The following MAP3K20 variants were observed in gnomAD, a reference collection of about 807,000 sequenced individuals.
MAP3K20 encodes the protein mitogen-activated protein kinase kinase kinase 20.
In MAP3K20, 40 loss-of-function variants were observed where a neutral mutation model predicts 85.7. The observed-to-expected ratio is 0.47, with a 90% CI of 0.36 to 0.61. The LOEUF (loss-of-function observed/expected upper bound fraction) is 0.61, where lower values mean the gene tolerates loss of function less well. MAP3K20 is among the 20% of genes least tolerant of loss of function. The pLI, the probability that MAP3K20 is intolerant of heterozygous loss-of-function variation, is 0.00. For missense variants in MAP3K20, 817 were observed against 961.7 expected (o/e 0.85, Z 1.99); for synonymous variants, 325 against 327.7 (o/e 0.99, Z 0.09).
At chr2:173,127,276 T>C (rs1688471670) in intron 2 of MAP3K20, among the ~76,000 whole-genome samples, 1 of 152,244 alleles carries the variant, frequency 6.6e-6, no homozygotes, top group African/African-American at 2.4e-5. Flanking sequence ...ATTCTGTGAA[T>C]ATTTAAATAA....
intron 2 of MAP3K20, among the ~76,000 whole-genome samples, chr2:173,161,619 G>C (rs1000883984): frequency 6.6e-6 from 1 of 152,076 alleles, no homozygotes; most frequent in African/African-American, 2.4e-5. Flanking sequence ...AGTAGGAAAG[G>C]CTCTTCTAAA....
chr2:173,194,133 A>G (rs1268046525), intron 7 of MAP3K20, among the ~76,000 whole-genome samples: 1 of 152,182 alleles, frequency 6.6e-6, no homozygotes, highest in Non-Finnish European at 1.5e-5. Context: ...GTGAGTCTTG[A>G]AGACAGAGGT....
chr2:173,209,638 G>A lies in MAP3K20; in HGVS notation c.745-91G>A, dbSNP rs555429105. 2.6e-5 allele frequency: 27 copies of A among 1,049,036 alleles called. No homozygotes were observed. In the East Asian group the frequency reaches 5.9e-4, roughly 23 times the overall value. The allele number at this position is 1,049,036 out of a possible 1,614,324, so 65.0% of individuals were successfully genotyped here. A position where few individuals can be genotyped will look rare whatever the true frequency, so the allele number is the denominator to read the frequency against. Reference sequence around the variant, plus strand: ...GTTTTATTTTGTTATGGTGGGTTGAGTTTATTACTATGCTTGTAGTATCTA... The same window carrying A: ...GTTTTATTTTGTTATGGTGGGTTGAATTTATTACTATGCTTGTAGTATCTA... On this transcript the variant is annotated intron_variant, in intron 9 of 19. Coordinates refer to ENST00000375213, the MANE Select transcript of MAP3K20 (RefSeq NM_016653.3).
chr2:173,115,976 G>C (rs1168047067), intron 2 of MAP3K20, among the ~76,000 whole-genome samples: 2 of 151,202 alleles, frequency 1.3e-5, no homozygotes, highest in African/African-American at 4.9e-5. Flanking sequence ...GGGGAAGCAA[G>C]CATGTCTTAC....
chr2:173,224,691 A>G (rs1684338249), intron 11 of MAP3K20: 13 of 985,416 alleles, frequency 1.3e-5, no homozygotes, highest in Non-Finnish European at 1.2e-5. Flanking sequence ...CGTTGGCTCT[A>G]TTACTTTCTG....
At chr2:173,170,471 GAC>G in intron 3 of MAP3K20, among the ~76,000 whole-genome samples, 1 of 152,292 alleles carries the variant, frequency 6.6e-6, no homozygotes, top group South Asian at 2.1e-4. Context: ...AATACAGAAA[GAC>G]ACATATCTTC....
chr2:173,241,060 T>A (rs1002533601), intron 16 of MAP3K20, among the ~76,000 whole-genome samples: 2 of 152,058 alleles, frequency 1.3e-5, no homozygotes, highest in Non-Finnish European at 2.9e-5. Context: ...ATGGAGATAG[T>A]AGAATGATGA....
intron 8 of MAP3K20, among the ~76,000 whole-genome samples, chr2:173,200,959 TA>T (rs1366589448): frequency 6.6e-6 from 1 of 152,148 alleles, no homozygotes; most frequent in African/African-American, 2.4e-5. Context: ...TAACAAAAAC[TA>T]AAGAAATTTG....
At chr2:173,147,199 T>C (rs1295845626) in intron 2 of MAP3K20, among the ~76,000 whole-genome samples, 1 of 152,238 alleles carries the variant, frequency 6.6e-6, no homozygotes, top group Non-Finnish European at 1.5e-5. Flanking sequence ...ACTAACGTTC[T>C]TCATTTTGGG....
intron 11 of MAP3K20, chr2:173,222,839 C>T: frequency 1.0e-6 from 1 of 985,330 alleles, no homozygotes; most frequent in Non-Finnish European, 1.2e-6. Flanking sequence ...AGGATATTCT[C>T]AGAATGTTAT....
intron 17 of MAP3K20, among the ~76,000 whole-genome samples, chr2:173,260,791 T>C (rs1002537243): frequency 1.3e-5 from 2 of 152,210 alleles, no homozygotes; most frequent in East Asian, 1.9e-4. Context: ...AATGATAGGA[T>C]TGAGTGATAG....
At chr2:173,253,303 A>C (rs1383259943) in intron 16 of MAP3K20, among the ~76,000 whole-genome samples, 1 of 152,222 alleles carries the variant, frequency 6.6e-6, no homozygotes, top group Non-Finnish European at 1.5e-5. Context: ...GTTCTGGCAC[A>C]ATGCTGGGAA....
At chr2:173,121,820 A>G (rs1688303119) in intron 2 of MAP3K20, among the ~76,000 whole-genome samples, 1 of 152,068 alleles carries the variant, frequency 6.6e-6, no homozygotes. Flanking sequence ...ATGTTGGTAG[A>G]TTAGATACTC....
intron 2 of MAP3K20, among the ~76,000 whole-genome samples, chr2:173,132,280 C>A (rs1688639773): frequency 6.6e-6 from 1 of 152,132 alleles, no homozygotes; most frequent in Admixed American, 6.5e-5. Context: ...TTCTCCATTA[C>A]CTATAGAAAA....
chr2:173,087,975 C>CA (rs1687187715), intron 1 of MAP3K20, among the ~76,000 whole-genome samples: 2 of 152,024 alleles, frequency 1.3e-5, no homozygotes, highest in Non-Finnish European at 1.5e-5. Context: ...AGTCCCAGTC[C>CA]AAGTCAGGCC....
chr2:173,184,742 C>G (rs1559267818), intron 4 of MAP3K20, among the ~76,000 whole-genome samples: 1 of 152,064 alleles, frequency 6.6e-6, no homozygotes, highest in Non-Finnish European at 1.5e-5. Context: ...AACCCTGTCT[C>G]TACTAAAAAT....
chr2:173,141,239 C>CTAGACATGTGAAGTAAAACATAT (rs1688964108), intron 2 of MAP3K20, among the ~76,000 whole-genome samples: 1 of 151,818 alleles, frequency 6.6e-6, no homozygotes, highest in African/African-American at 2.4e-5. Flanking sequence ...ATTAGAAAAA[C>CTAGACATGTGAAGTAAAACATAT]TAGACATGTG....
chr2:173,115,956 G>C (rs1422762612), intron 2 of MAP3K20, among the ~76,000 whole-genome samples: 1 of 151,400 alleles, frequency 6.6e-6, no homozygotes, highest in African/African-American at 2.4e-5. Context: ...AATCATGGCA[G>C]AAAGGCGAAG....
intron 2 of MAP3K20, among the ~76,000 whole-genome samples, chr2:173,136,275 T>C (rs765562303): frequency 3.5e-4 from 53 of 152,218 alleles, no homozygotes; most frequent in South Asian, 6.2e-4. Flanking sequence ...GGGGCTCCTT[T>C]TTCCTGTTCG....
Sources: allele counts gnomAD v4.1 joint callset (sites outside exome capture counted in the v4.1 genomes callset), GRCh38; gene constraint gnomAD v4.1.1; transcripts MANE v1.5; gene names NCBI Gene and HGNC (gene_info 2026-07-23, HGNC 2026-07-21).